The following LMNA variants were observed in gnomAD, a reference collection of about 807,000 sequenced individuals.
The protein encoded by LMNA is lamin A/C.
In LMNA, 20 loss-of-function variants were observed where a neutral mutation model predicts 70.4. That is an observed-to-expected ratio of 0.28 (90% confidence interval 0.20 to 0.41). LMNA has a LOEUF of 0.41. Among genes scored for constraint, LMNA ranks in the 10% least tolerant of loss-of-function variants. LMNA has a pLI of 1.00. For missense variants in LMNA, 652 were observed against 917.2 expected (o/e 0.71, Z 3.73); for synonymous variants, 339 against 372.8 (o/e 0.91, Z 1.04).
intron 3 of LMNA, among the ~76,000 whole-genome samples, chr1:156,109,248 G>A (rs188574827): frequency 3.9e-4 from 60 of 152,204 alleles, no homozygotes; most frequent in Middle Eastern, 3.4e-3. Context: ...TGAACCCACC[G>A]GACCCTAGTT....
In LMNA at chr1:156,139,439, C is replaced by T; in HGVS notation, c.*333C>T. ...CTCTAGAAGCCAAGGGAAAGGGGTG[C>T]TTTTATAGAGGCTAGCTTCTGCTTT... On this transcript the variant is annotated 3_prime_UTR_variant, in exon 12 of 12. Transcript: ENST00000368300. 7.4e-7 allele frequency: 1 copy of T among 1,345,288 alleles called. No individual in the cohort carries two copies. The highest frequency in any genetic ancestry group is 1.7e-5 in the South Asian group (1 of 59,622). The allele number at this position is 1,345,288 out of a possible 1,614,324, so 83.3% of individuals were successfully genotyped here. A position where few individuals can be genotyped will look rare whatever the true frequency, so the allele number is the denominator to read the frequency against.
Position 156,135,458 on chromosome 1 carries a change from G to A in LMNA, c.936+146G>A. 1 of 1,042,802 alleles carries A rather than the reference G, an allele frequency of 9.6e-7. No homozygotes were observed. Among genetic ancestry groups the A allele is most frequent in the South Asian group, 1.4e-5 (1 of 72,964 alleles). 64.6% of individuals were successfully genotyped at this position (1,042,802 alleles called of 1,614,324 possible). On this transcript the variant is annotated intron_variant, in intron 5 of 11. Transcript: ENST00000368300. This position sits in a 1 kb window ranked among gnomAD's most constrained non-coding sequence, Gnocchi z 4.8. ...AGTGTCCCCACAACCACAGAGAAGG[G>A]TCGCAGGATGTGGAGTCAGATGGCC...
At position 156,135,333 on chromosome 1, in the gene LMNA, T is replaced by C. The variant is rs1410935590; in HGVS notation, c.936+21T>C. 2.1e-6 allele frequency: 3 copies of C among 1,431,536 alleles called. No homozygotes were observed. The highest frequency in any genetic ancestry group is 1.9e-6 in the Non-Finnish European group (2 of 1,066,920). The allele number at this position is 1,431,536 out of a possible 1,614,324, so 88.7% of individuals were successfully genotyped here. ...AGCAGGTGATACCCCACCTCACCCC[T>C]CTCTCCAGGGGCCTAGAGTCTGGGC... is the stretch of plus-strand genomic sequence containing the variant. On this transcript the variant is annotated intron_variant, in intron 5 of 11. Transcript: ENST00000368300. The surrounding 1 kb of genome is among the most constrained non-coding windows in gnomAD (Gnocchi z 4.8).
chr1:156,129,798 G>T (rs1469532816), intron 1 of LMNA: 1 of 743,588 alleles, frequency 1.3e-6, no homozygotes, highest in Admixed American at 1.9e-5. Context: ...ACTGGTTATA[G>T]CTAAAGCTTT....
Position 156,138,138 on chromosome 1 carries a change from C to T in LMNA, c.1699-350C>T. 1.9e-6 allele frequency: 1 copy of T among 530,736 alleles called. No homozygotes were observed. Among genetic ancestry groups the T allele is most frequent in the South Asian group, 2.1e-5 (1 of 46,686 alleles). 32.9% of individuals were successfully genotyped at this position (530,736 alleles called of 1,614,324 possible). A position where few individuals can be genotyped will look rare whatever the true frequency, so the allele number is the denominator to read the frequency against. On this transcript the variant is annotated intron_variant, in intron 10 of 11. Transcript: ENST00000368300. This position sits in a 1 kb window ranked among gnomAD's most constrained non-coding sequence, Gnocchi z 5.5. ...TTTTTCCTGCAAGAATGTTCTCTCT[C>T]ATTCCTGACCGCCCCTCCACTCCAA...
chr1:156,092,890 CTTT>C (rs568056544), intron 3 of LMNA, among the ~76,000 whole-genome samples: 7 of 135,620 alleles, frequency 5.2e-5, no homozygotes, highest in Admixed American at 7.5e-5. Flanking sequence ...TTCTTTTTTT[CTTT>C]TTTTTTTTTT....
chr1:156,083,278 T>TG (rs934809379), intron 2 of LMNA: 1 of 152,630 alleles, frequency 6.6e-6, no homozygotes, highest in Non-Finnish European at 1.5e-5. Flanking sequence ...GGGACAGAAC[T>TG]GGGGGTCGGA....
Position 156,137,743 on chromosome 1 carries a change from C to A in LMNA, c.1698C>A (p.His566Gln). Residue 566 changes from histidine to glutamine, a missense_variant and splice_region_variant, in exon 10 of 12, where the codon CAC (histidine) becomes CAA (glutamine). Coordinates refer to ENST00000368300, the MANE Select transcript of LMNA (RefSeq NM_170707.4). This position sits in a 1 kb window ranked among gnomAD's most constrained non-coding sequence, Gnocchi z 4.6. ...EDGDDLLHHH[H>Q]GSHCSSSGDP... The stretch of plus-strand genomic sequence containing the variant: ...GAGATGACCTGCTCCATCACCACCA[C>A]GTGAGTGGTAGCCGCCGCTGAGGCC... 1 of 1,549,162 alleles carries A rather than the reference C, an allele frequency of 6.5e-7. No individual in the cohort carries two copies. The highest frequency in any genetic ancestry group is 8.7e-7 in the Non-Finnish European group (1 of 1,147,038).
chr1:156,104,469 C>T lies in LMNA; in HGVS notation c.-206-10244C>T, dbSNP rs934356030. 4.6e-5 allele frequency among the ~76,000 whole-genome samples: 7 copies of T among 152,110 alleles called. No individual in the cohort carries two copies. In the South Asian group the frequency reaches 1.2e-3, roughly 27 times the overall value. Reference sequence around the variant, plus strand: ...GTTCCCTATTCCAGAGCCCCCTGGACTGGATTCTAAATGTGGTCCTCACCC... The same window carrying T: ...GTTCCCTATTCCAGAGCCCCCTGGATTGGATTCTAAATGTGGTCCTCACCC... On this transcript the variant is annotated intron_variant, in intron 3 of 12. Coordinates refer to the LMNA transcript ENST00000368301.
chr1:156,089,710 G>T (rs183863360), intron 2 of LMNA, among the ~76,000 whole-genome samples: 3 of 152,304 alleles, frequency 2.0e-5, no homozygotes, highest in Admixed American at 2.0e-4. Flanking sequence ...ATCTCCAAGG[G>T]CTTTGCAGGC....
rs1651376159 is a variant in LMNA, at chr1:156,134,658, G to C, written c.639+130G>C. On this transcript the variant is annotated intron_variant, in intron 3 of 11. Coordinates refer to ENST00000368300, the MANE Select transcript of LMNA (RefSeq NM_170707.4). This position sits in a 1 kb window ranked among gnomAD's most constrained non-coding sequence, Gnocchi z 5.3. ...CTTGCCCTAGTGGACAGGGAGTTGGGGGTGGCCAGCACTCAGCTCCCAGGT... is the reference window on the plus strand; with the variant it reads ...CTTGCCCTAGTGGACAGGGAGTTGGCGGTGGCCAGCACTCAGCTCCCAGGT... 1 of 1,542,586 alleles carries C rather than the reference G, an allele frequency of 6.5e-7. No homozygotes were observed. Among genetic ancestry groups the C allele is most frequent in the Admixed American group, 1.7e-5 (1 of 59,298 alleles).
chr1:156,114,378 A>G (rs1649657458), upstream of LMNA, among the ~76,000 whole-genome samples: 2 of 149,500 alleles, frequency 1.3e-5, no homozygotes, highest in Admixed American at 6.6e-5. Flanking sequence ...CTTTGCGCCC[A>G]CTTCCCTCTC....
At chr1:156,125,002 T>TG (rs935022244) in intron 1 of LMNA, among the ~76,000 whole-genome samples, 4 of 152,346 alleles carry the variant, frequency 2.6e-5, no homozygotes, top group South Asian at 4.1e-4. Context: ...TCAGGTGACC[T>TG]GGGGGCAGGT....
Position 156,130,746 on chromosome 1 carries a change from G to A in LMNA, c.486G>A (p.Leu162=), listed in dbSNP as rs727503135. 1.3e-6 allele frequency: 2 copies of A among 1,599,250 alleles called. No individual in the cohort carries two copies. The highest frequency in any genetic ancestry group is 1.7e-6 in the Non-Finnish European group (2 of 1,173,100). Residue 162 remains leucine, a synonymous_variant, in exon 2 of 12, where the codon CTG becomes CTA. Coordinates refer to ENST00000368300, the MANE Select transcript of LMNA (RefSeq NM_170707.4). The stretch of plus-strand genomic sequence containing the variant: ...AGAAGCGCACGCTGGAGGGCGAGCT[G>A]CATGATCTGCGGGGCCAGGTGGCCA... ...LSEKRTLEGE[L]HDLRGQVAKL... is the part of the protein sequence containing the mutation.
intron 1 of LMNA, chr1:156,123,220 G>A (rs571274467): frequency 6.6e-6 from 1 of 152,216 alleles, no homozygotes; most frequent in African/African-American, 2.4e-5. Context: ...CTGGCTCAGG[G>A]GAGCTAGACT....
chr1:156,095,508 CTT>C (rs59065867), intron 3 of LMNA, among the ~76,000 whole-genome samples: 1 of 144,372 alleles, frequency 6.9e-6, no homozygotes. Flanking sequence ...CCAGCTAATG[CTT>C]TTTTTTTTTT....
At position 156,115,268 on chromosome 1, in the gene LMNA, A is replaced by G. The variant is rs397517901; in HGVS notation, c.350A>G (p.Lys117Arg). 61 of 1,605,706 alleles carry G rather than the reference A, an allele frequency of 3.8e-5. 1 individual carries two copies. In the South Asian group the frequency reaches 3.9e-4, roughly 10 times the overall value. ...SKVREEFKELKARNTKKEGDL... is the reference protein window; with the variant it reads ...SKVREEFKELRARNTKKEGDL... ...GTGCGTGAGGAGTTTAAGGAGCTGAAAGCGCGGTGAGTTCGCCCAGGTGGC... is the reference window on the plus strand; with the variant it reads ...GTGCGTGAGGAGTTTAAGGAGCTGAGAGCGCGGTGAGTTCGCCCAGGTGGC... Residue 117 changes from lysine to arginine, a missense_variant, in exon 1 of 12, where the codon AAA (lysine) becomes AGA (arginine). By Grantham distance (26) the Lys-to-Arg change is conservative (BLOSUM62 2). This residue lies in a region of LMNA where 254 missense variants were observed against 421.9 expected (regional missense o/e 0.60). Coordinates refer to ENST00000368300, the MANE Select transcript of LMNA (RefSeq NM_170707.4). This position sits in a 1 kb window ranked among gnomAD's most constrained non-coding sequence, Gnocchi z 5.8.
At chr1:156,098,709 A>T (rs1649034018) in intron 3 of LMNA, among the ~76,000 whole-genome samples, 1 of 152,016 alleles carries the variant, frequency 6.6e-6, no homozygotes, top group Admixed American at 6.6e-5. Flanking sequence ...AGTACTTGTG[A>T]ACTGTGGGGT....
Position 156,136,772 on chromosome 1 carries a change from T to TC in LMNA, c.1381-145dup. On this transcript the variant is annotated intron_variant, in intron 7 of 11. Transcript: ENST00000368300. This position sits in a 1 kb window ranked among gnomAD's most constrained non-coding sequence, Gnocchi z 6.1. ...ATGTGTCCACAGATCATGGCTATTA[T>TC]CCCCGGGGGAAGGGCAGTGACAGGG... 1 of 736,012 alleles carries TC rather than the reference T, an allele frequency of 1.4e-6. No individual in the cohort carries two copies. The highest frequency in any genetic ancestry group is 2.7e-5 in the East Asian group (1 of 37,402). 45.6% of individuals were successfully genotyped at this position (736,012 alleles called of 1,614,324 possible).
Sources: gnomAD v4.1 joint callset for allele counts (sites outside exome capture counted in the v4.1 genomes callset) on GRCh38, gnomAD v4.1.1 for gene constraint, gnomAD v4.1.1 regional missense constraint, Gnocchi (gnomAD v3.1) non-coding constraint, MANE v1.5 for transcripts, NCBI Gene and HGNC (gene_info 2026-07-23, HGNC 2026-07-21) for gene names.